NDUFAF2: variants seen among roughly 807,000 people sequenced by gnomAD.
NDUFAF2 encodes the protein NADH:ubiquinone oxidoreductase complex assembly factor 2.
NDUFAF2 carries 13 observed loss-of-function variants against 22.8 expected under a neutral mutation model. The ratio of observed to expected loss-of-function variants is 0.57; its 90% CI spans 0.37 to 0.91. NDUFAF2 has a LOEUF of 0.91. NDUFAF2 is among the 40% of genes least tolerant of loss of function. The pLI is 0.01. For missense variants in NDUFAF2, 162 were observed against 195.2 expected (o/e 0.83, Z 1.01); for synonymous variants, 53 against 64.2 (o/e 0.83, Z 0.84).
At chr5:61,112,270 A>G (rs1376580520) in intron 3 of NDUFAF2, among the ~76,000 whole-genome samples, 6 of 134,002 alleles carry the variant, frequency 4.5e-5, no homozygotes, top group Non-Finnish European at 7.7e-5. Flanking sequence ...CTAGAGTGCT[A>G]TGGTGCCATC....
intron 1 of NDUFAF2, among the ~76,000 whole-genome samples, chr5:60,970,575 C>G (rs925245989): frequency 1.3e-5 from 2 of 152,112 alleles, no homozygotes; most frequent in Non-Finnish European, 2.9e-5. Flanking sequence ...ATTTATTTAT[C>G]AATTTCAATA....
intron 3 of NDUFAF2, among the ~76,000 whole-genome samples, chr5:61,126,178 A>T (rs1175323882): frequency 6.6e-6 from 1 of 151,982 alleles, no homozygotes; most frequent in Non-Finnish European, 1.5e-5. Flanking sequence ...ATTGCTTTTC[A>T]TCTTTAATGT....
At chr5:60,967,839 A>G (rs991198503) in intron 1 of NDUFAF2, among the ~76,000 whole-genome samples, 2 of 150,398 alleles carry the variant, frequency 1.3e-5, no homozygotes, top group African/African-American at 4.9e-5. Context: ...CTTGGTATCT[A>G]GTAATGCTGG....
chr5:60,983,640 C>G (rs1191445831), intron 1 of NDUFAF2, among the ~76,000 whole-genome samples: 3 of 149,170 alleles, frequency 2.0e-5, no homozygotes, highest in African/African-American at 7.5e-5. Flanking sequence ...TTTCCCAGCA[C>G]CATTTATTAA....
intron 1 of NDUFAF2, among the ~76,000 whole-genome samples, chr5:61,049,458 A>G (rs1230793434): frequency 3.9e-5 from 6 of 152,166 alleles, no homozygotes; most frequent in Non-Finnish European, 8.8e-5. Context: ...AAATACACAT[A>G]ACATAAAATT....
chr5:61,134,241 A>C (rs531383311), intron 3 of NDUFAF2, among the ~76,000 whole-genome samples: 2 of 124,676 alleles, frequency 1.6e-5, no homozygotes, highest in South Asian at 5.9e-4. Context: ...TTTTATAAAG[A>C]AAAAATGGGA....
intron 1 of NDUFAF2, among the ~76,000 whole-genome samples, chr5:61,048,269 A>G (rs1206050810): frequency 2.6e-5 from 4 of 152,108 alleles, no homozygotes; most frequent in African/African-American, 9.7e-5. Flanking sequence ...TTGTTTATCT[A>G]TTTTAAATCA....
rs865787859 is a variant in NDUFAF2 at position 60,975,843 on chromosome 5, A to G, written c.127+30461A>G. On this transcript the variant is annotated intron_variant, in intron 1 of 3. Transcript: ENST00000296597. ...AGGGAGGGAGAATGTTACTGATGCT[A>G]CTGATAGTTCAAGTACGATATGCCG... Among the ~76,000 whole-genome samples, 18 of 152,334 alleles carry G rather than the reference A, an allele frequency of 1.2e-4. No individual in the cohort carries two copies. The Middle Eastern group carries it at 0.01, about 86-fold the overall frequency.
intron 1 of NDUFAF2, among the ~76,000 whole-genome samples, chr5:60,947,991 GACAAA>G (rs948054763): frequency 2.0e-5 from 3 of 151,698 alleles, no homozygotes; most frequent in Admixed American, 2.0e-4. Context: ...AAGTATAATT[GACAAA>G]AAAAATTGCC....
chr5:61,039,658 C>T lies in NDUFAF2; in HGVS notation c.128-33467C>T, dbSNP rs191464490. On this transcript the variant is annotated intron_variant, in intron 1 of 3. Transcript: ENST00000296597. Reference sequence around the variant, plus strand: ...GGGACGGCTGGTGTCCTTAAGAATCCCTCAGGTGGTGAGATAGCCAGTCAT... The same window carrying T: ...GGGACGGCTGGTGTCCTTAAGAATCTCTCAGGTGGTGAGATAGCCAGTCAT... Among the ~76,000 whole-genome samples the T allele has an allele frequency of 3.3e-5, 5 of 152,224 alleles. No homozygotes were observed. In the East Asian group the frequency reaches 9.6e-4, roughly 29 times the overall value.
chr5:61,050,221 C>T (rs902807886), intron 1 of NDUFAF2, among the ~76,000 whole-genome samples: 1 of 152,032 alleles, frequency 6.6e-6, no homozygotes, highest in South Asian at 2.1e-4. Flanking sequence ...TTCTTTACAA[C>T]CTCGACAACA....
intron 1 of NDUFAF2, among the ~76,000 whole-genome samples, chr5:61,056,948 A>G (rs1164035715): frequency 8.1e-6 from 1 of 122,880 alleles, no homozygotes; most frequent in Admixed American, 8.9e-5. Flanking sequence ...ATATATATAT[A>G]TATATTTATA....
chr5:60,954,954 A>C (rs1461890434), intron 1 of NDUFAF2, among the ~76,000 whole-genome samples: 1 of 152,166 alleles, frequency 6.6e-6, no homozygotes, highest in Non-Finnish European at 1.5e-5. Context: ...CTATTAAGTC[A>C]TAGAAGTCAC....
chr5:61,055,035 T>G (rs914872226), intron 1 of NDUFAF2, among the ~76,000 whole-genome samples: 2 of 152,226 alleles, frequency 1.3e-5, no homozygotes, highest in African/African-American at 4.8e-5. Context: ...AGTGTTTCAT[T>G]ATATGTAGTG....
chr5:61,124,305 A>AT (rs1223546165), intron 3 of NDUFAF2, among the ~76,000 whole-genome samples: 1 of 151,916 alleles, frequency 6.6e-6, no homozygotes, highest in African/African-American at 2.4e-5. Flanking sequence ...ATATAAATTC[A>AT]TTTTTACTCT....
chr5:61,049,003 C>A (rs1751990224), intron 1 of NDUFAF2, among the ~76,000 whole-genome samples: 1 of 151,776 alleles, frequency 6.6e-6, no homozygotes, highest in Admixed American at 6.6e-5. Flanking sequence ...TCTGTTGGGG[C>A]CAAGGTATAT....
At chr5:61,122,432 T>C (rs1484974300) in intron 3 of NDUFAF2, among the ~76,000 whole-genome samples, 3 of 152,206 alleles carry the variant, frequency 2.0e-5, no homozygotes, top group Admixed American at 2.0e-4. Context: ...GTACCTGTTA[T>C]TTAAAGTCAA....
chr5:60,984,879 G>T (rs947233224), intron 1 of NDUFAF2, among the ~76,000 whole-genome samples: 2 of 152,096 alleles, frequency 1.3e-5, no homozygotes, highest in South Asian at 4.1e-4. Flanking sequence ...TCTCTGCCAG[G>T]CTTTGTTATC....
At chr5:61,101,922 C>T (rs1252476478) in intron 3 of NDUFAF2, among the ~76,000 whole-genome samples, 1 of 152,088 alleles carries the variant, frequency 6.6e-6, no homozygotes, top group African/African-American at 2.4e-5. Flanking sequence ...CACAGTAGTT[C>T]TTATGCTTTT....
Sources: gnomAD v4.1 joint callset for allele counts (sites outside exome capture counted in the v4.1 genomes callset) on GRCh38, gnomAD v4.1.1 for gene constraint, MANE v1.5 for transcripts, NCBI Gene and HGNC (gene_info 2026-07-23, HGNC 2026-07-21) for gene names.